GPC6: variants seen among roughly 807,000 people sequenced by gnomAD.
GPC6 encodes glypican-6.
GPC6 carries 14 observed loss-of-function variants against 55.2 expected under a neutral mutation model. The ratio of observed to expected loss-of-function variants is 0.25; its 90% CI spans 0.17 to 0.40. The LOEUF (loss-of-function observed/expected upper bound fraction) is 0.40, where lower values mean the gene tolerates loss of function less well. Among genes scored for constraint, GPC6 ranks in the 10% least tolerant of loss-of-function variants. The pLI is 1.00. For synonymous variants in GPC6, 278 were observed against 259.6 expected (o/e 1.07, Z -0.68); for missense variants, 641 against 708.5 (o/e 0.90, Z 1.08).
chr13:93,975,987 A>G (rs1880499016), intron 3 of GPC6, among the ~76,000 whole-genome samples: 1 of 152,140 alleles, frequency 6.6e-6, no homozygotes, highest in Admixed American at 6.6e-5. Context: ...TTAAAATTTA[A>G]TTACTATTAG....
chr13:93,722,901 G>A (rs933930546), intron 2 of GPC6, among the ~76,000 whole-genome samples: 17 of 151,684 alleles, frequency 1.1e-4, no homozygotes, highest in Non-Finnish European at 2.1e-4. Flanking sequence ...CTTCTTGTAA[G>A]GACACTAGTC....
intron 2 of GPC6, among the ~76,000 whole-genome samples, chr13:93,638,375 T>TTA (rs1879782786): frequency 6.6e-6 from 1 of 152,106 alleles, no homozygotes; most frequent in South Asian, 2.1e-4. Context: ...ACTGTTAAAT[T>TTA]TATATATATC....
chr13:94,178,025 A>ATTTTTTT (rs767978319), intron 4 of GPC6, among the ~76,000 whole-genome samples: 2 of 132,992 alleles, frequency 1.5e-5, no homozygotes, highest in African/African-American at 6.3e-5. Flanking sequence ...TGGCCTTTTA[A>ATTTTTTT]TTTTTTTTTT....
At chr13:94,384,137 G>A (rs1256204815) in intron 7 of GPC6, among the ~76,000 whole-genome samples, 1 of 152,162 alleles carries the variant, frequency 6.6e-6, no homozygotes, top group Non-Finnish European at 1.5e-5. Flanking sequence ...GTGAAAGCAA[G>A]ATACCTACAC....
intron 1 of GPC6, among the ~76,000 whole-genome samples, chr13:93,477,782 G>A (rs1404247515): frequency 6.6e-6 from 1 of 152,110 alleles, no homozygotes; most frequent in Non-Finnish European, 1.5e-5. Context: ...AAAGAAGCTA[G>A]TATTTGAGAG....
chr13:94,186,951 T>G (rs1460110849), intron 4 of GPC6: 1 of 152,232 alleles, frequency 6.6e-6, no homozygotes, highest in Non-Finnish European at 1.5e-5. Context: ...GCTCTCTCTC[T>G]CCTTTCCAGT....
intron 3 of GPC6, among the ~76,000 whole-genome samples, chr13:93,835,890 A>G (rs1324194033): frequency 6.6e-6 from 1 of 152,224 alleles, no homozygotes; most frequent in Non-Finnish European, 1.5e-5. Context: ...TGGGGGAGGT[A>G]GTAGAGCTGG....
intron 1 of GPC6, among the ~76,000 whole-genome samples, chr13:93,469,809 G>A (rs1879044259): frequency 1.3e-5 from 2 of 152,268 alleles, no homozygotes; most frequent in Admixed American, 6.5e-5. Context: ...GTTGTTGGTG[G>A]TGGTGTTACT....
chr13:94,062,358 C>A (rs1884361404), intron 4 of GPC6, among the ~76,000 whole-genome samples: 1 of 152,122 alleles, frequency 6.6e-6, no homozygotes, highest in Non-Finnish European at 1.5e-5. Context: ...TCAAGCAATT[C>A]TCCCGCCTCA....
At chr13:93,423,611 T>C (rs1877011758) in intron 1 of GPC6, among the ~76,000 whole-genome samples, 1 of 152,186 alleles carries the variant, frequency 6.6e-6, no homozygotes, top group Admixed American at 6.6e-5. Flanking sequence ...GTTATTGTAG[T>C]TGGACTTGAT....
chr13:93,229,106 T>A (rs1875921410), intron 1 of GPC6, among the ~76,000 whole-genome samples: 1 of 152,206 alleles, frequency 6.6e-6, no homozygotes, highest in Non-Finnish European at 1.5e-5. Context: ...TTCTTCCTTC[T>A]TTTCCAGAAC....
At chr13:93,516,433 A>C (rs9556306) in intron 1 of GPC6, among the ~76,000 whole-genome samples, 19,251 of 152,076 alleles carry the variant, frequency 0.13, 1,390 homozygotes, top group East Asian at 0.29. Context: ...TGGACCTCCC[A>C]TACTGCCAAT....
At chr13:93,500,657 T>G (rs559203771) in intron 1 of GPC6, among the ~76,000 whole-genome samples, 1 of 152,324 alleles carries the variant, frequency 6.6e-6, no homozygotes, top group Non-Finnish European at 1.5e-5. Context: ...TTTTTTAAAG[T>G]TTTTAAACAG....
intron 3 of GPC6, among the ~76,000 whole-genome samples, chr13:93,872,490 T>C (rs1308394596): frequency 1.3e-5 from 2 of 151,972 alleles, no homozygotes; most frequent in African/African-American, 2.4e-5. Flanking sequence ...AAATGGGCCT[T>C]ACTGGGCTAA....
chr13:93,310,017 A>T (rs1263536803), intron 1 of GPC6, among the ~76,000 whole-genome samples: 1 of 152,224 alleles, frequency 6.6e-6, no homozygotes, highest in Non-Finnish European at 1.5e-5. Context: ...GTGAAAGTTG[A>T]CAGCTCCTCC....
At chr13:94,204,119 A>T (rs1211751193) in intron 4 of GPC6, among the ~76,000 whole-genome samples, 2 of 152,182 alleles carry the variant, frequency 1.3e-5, no homozygotes, top group African/African-American at 4.8e-5. Flanking sequence ...AGAAAGGGAT[A>T]GATTTAAACA....
intron 1 of GPC6, among the ~76,000 whole-genome samples, chr13:93,510,085 C>T (rs1880890929): frequency 6.6e-6 from 1 of 152,068 alleles, no homozygotes; most frequent in Admixed American, 6.6e-5. Flanking sequence ...TTATGTCTGT[C>T]TCTCTAATAT....
At chr13:93,478,007 T>A (rs548995128) in intron 1 of GPC6, among the ~76,000 whole-genome samples, 2 of 152,092 alleles carry the variant, frequency 1.3e-5, no homozygotes, top group Non-Finnish European at 2.9e-5. Flanking sequence ...TCTTATTACA[T>A]CTGTTTAAAT....
chr13:93,689,901 T>C (rs535456623), intron 2 of GPC6, among the ~76,000 whole-genome samples: 2 of 152,254 alleles, frequency 1.3e-5, no homozygotes, highest in South Asian at 4.1e-4. Flanking sequence ...AGATTAGTCA[T>C]TCAGCCTAAG....
Sources: allele counts gnomAD v4.1 joint callset (sites outside exome capture counted in the v4.1 genomes callset), GRCh38; gene constraint gnomAD v4.1.1; transcripts MANE v1.5; gene names NCBI Gene and HGNC (gene_info 2026-07-23, HGNC 2026-07-21).